The following KCNJ3 variants were observed in gnomAD, a reference collection of about 807,000 sequenced individuals.
KCNJ3 encodes the protein potassium inwardly rectifying channel subfamily J member 3.
Under a neutral mutation model 39.2 loss-of-function variants are expected in KCNJ3, and 4 were observed. That is an observed-to-expected ratio of 0.10 (90% CI 0.05 to 0.23). KCNJ3 has a LOEUF of 0.23. KCNJ3 is among the 10% of genes least tolerant of loss of function. KCNJ3 has a pLI of 1.00. For missense variants in KCNJ3, 276 were observed against 634.9 expected (o/e 0.43, Z 6.08); for synonymous variants, 230 against 237.4 (o/e 0.97, Z 0.29).
intron 2 of KCNJ3, among the ~76,000 whole-genome samples, chr2:154,816,683 G>C (rs901860307): frequency 1.3e-5 from 2 of 152,080 alleles, no homozygotes; most frequent in South Asian, 4.1e-4. Flanking sequence ...GAAAATTTTT[G>C]AATACATCAG....
intron 2 of KCNJ3, among the ~76,000 whole-genome samples, chr2:154,711,049 A>G (rs1685094959): frequency 6.6e-6 from 1 of 152,116 alleles, no homozygotes; most frequent in Non-Finnish European, 1.5e-5. Context: ...TTACTGAAGC[A>G]CTATTATTAT....
At chr2:154,716,377 G>A (rs1685181525) in intron 2 of KCNJ3, among the ~76,000 whole-genome samples, 1 of 148,214 alleles carries the variant, frequency 6.7e-6, no homozygotes, top group South Asian at 2.1e-4. Flanking sequence ...CGCCTGCCTC[G>A]GCCTCCCAAA....
intron 2 of KCNJ3, among the ~76,000 whole-genome samples, chr2:154,775,954 A>AT (rs1218622612): frequency 6.6e-6 from 1 of 150,940 alleles, no homozygotes. Context: ...TAGTATTTTT[A>AT]TTTTTCAGAC....
chr2:154,844,687 C>T (rs1046307101), intron 2 of KCNJ3, among the ~76,000 whole-genome samples: 3 of 152,176 alleles, frequency 2.0e-5, no homozygotes, highest in African/African-American at 7.2e-5. Context: ...GCTACCACCT[C>T]GCAGATTGAT....
At chr2:154,761,062 C>CTTT (rs11375045) in intron 2 of KCNJ3, among the ~76,000 whole-genome samples, 30 of 133,860 alleles carry the variant, frequency 2.2e-4, no homozygotes, top group Non-Finnish European at 3.3e-4. Flanking sequence ...TTAATTTTTT[C>CTTT]TTTTTTTTTT....
intron 2 of KCNJ3, among the ~76,000 whole-genome samples, chr2:154,739,284 A>G (rs529300126): frequency 6.6e-6 from 1 of 152,210 alleles, no homozygotes; most frequent in Admixed American, 6.5e-5. Flanking sequence ...GCTTCTGAGA[A>G]AATTTTCAAC....
intron 2 of KCNJ3, among the ~76,000 whole-genome samples, chr2:154,719,388 T>G (rs1685230660): frequency 1.3e-5 from 2 of 152,158 alleles, no homozygotes; most frequent in Non-Finnish European, 2.9e-5. Flanking sequence ...TCTTTGTTAA[T>G]TCAGACTGTG....
rs2105144917 is a variant in KCNJ3 at position 154,857,103 on chromosome 2, A to G, written c.*1790A>G. On this transcript the variant is annotated 3_prime_UTR_variant, in exon 3 of 3. Transcript: ENST00000295101. ...CTGTAGGTGCAAACATATACCAGGG[A>G]ATTCTTACTGGCAAAATGATCAATC... 1 of 152,262 alleles carries G rather than the reference A, an allele frequency of 6.6e-6. No individual in the cohort carries two copies. The highest frequency in any genetic ancestry group is 2.4e-5 in the African/African-American group (1 of 41,556). The allele number at this position is 152,262 out of a possible 1,614,324, so 9.4% of individuals were successfully genotyped here.
intron 2 of KCNJ3, among the ~76,000 whole-genome samples, chr2:154,739,051 A>T (rs1685597357): frequency 6.6e-6 from 1 of 152,084 alleles, no homozygotes; most frequent in Non-Finnish European, 1.5e-5. Context: ...CATAAATTAT[A>T]TAATTAAGAA....
chr2:154,818,574 A>G (rs992681409), intron 2 of KCNJ3, among the ~76,000 whole-genome samples: 1 of 152,178 alleles, frequency 6.6e-6, no homozygotes, highest in Non-Finnish European at 1.5e-5. Flanking sequence ...ACCTTTTGTC[A>G]GATGAAGAAA....
chr2:154,835,558 T>C (rs1173016806), intron 2 of KCNJ3, among the ~76,000 whole-genome samples: 1 of 151,078 alleles, frequency 6.6e-6, no homozygotes, highest in Non-Finnish European at 1.5e-5. Context: ...AATTTATACC[T>C]GTGGATAAGT....
chr2:154,825,461 G>A (rs1225287736), intron 2 of KCNJ3, among the ~76,000 whole-genome samples: 2 of 151,984 alleles, frequency 1.3e-5, no homozygotes, highest in African/African-American at 4.8e-5. Context: ...TGAAATATTA[G>A]GAGAAATATT....
At chr2:154,835,881 G>T (rs1487202026) in intron 2 of KCNJ3, among the ~76,000 whole-genome samples, 1 of 152,082 alleles carries the variant, frequency 6.6e-6, no homozygotes, top group Non-Finnish European at 1.5e-5. Context: ...CAGACCTAGA[G>T]AATTTTATAT....
At chr2:154,839,544 C>A (rs1420592498) in intron 2 of KCNJ3, among the ~76,000 whole-genome samples, 1 of 152,188 alleles carries the variant, frequency 6.6e-6, no homozygotes, top group Non-Finnish European at 1.5e-5. Flanking sequence ...AATTTACACT[C>A]CCACCAACAG....
intron 2 of KCNJ3, among the ~76,000 whole-genome samples, chr2:154,729,313 C>T (rs531430777): frequency 1.3e-5 from 2 of 152,180 alleles, no homozygotes; most frequent in South Asian, 4.2e-4. Context: ...CCAACTTTGC[C>T]AGCCAGATCA....
At chr2:154,782,318 C>T (rs142130287) in intron 2 of KCNJ3, among the ~76,000 whole-genome samples, 82 of 152,192 alleles carry the variant, frequency 5.4e-4, no homozygotes, top group African/African-American at 1.9e-3. Flanking sequence ...ATGCCTATTT[C>T]ACGGGGTGTT....
intron 2 of KCNJ3, among the ~76,000 whole-genome samples, chr2:154,731,681 A>G (rs1685450749): frequency 6.6e-6 from 1 of 150,942 alleles, no homozygotes; most frequent in African/African-American, 2.4e-5. Context: ...TTACCTTTTC[A>G]AATAGGTGAT....
At chr2:154,731,480 A>G (rs1026078233) in intron 2 of KCNJ3, among the ~76,000 whole-genome samples, 66 of 151,874 alleles carry the variant, frequency 4.3e-4, no homozygotes, top group African/African-American at 1.5e-3. Flanking sequence ...ATTCAAGGAA[A>G]ATTTTTTTTT....
At chr2:154,815,525 A>G (rs1687070246) in intron 2 of KCNJ3, among the ~76,000 whole-genome samples, 1 of 152,208 alleles carries the variant, frequency 6.6e-6, no homozygotes, top group Non-Finnish European at 1.5e-5. Flanking sequence ...GCCCATGTTT[A>G]CCAGAAAGAA....
Sources: gnomAD v4.1 joint callset for allele counts (sites outside exome capture counted in the v4.1 genomes callset) on GRCh38, gnomAD v4.1.1 for gene constraint, MANE v1.5 for transcripts, NCBI Gene and HGNC (gene_info 2026-07-23, HGNC 2026-07-21) for gene names.